Variants in CA10 observed in about 807,000 individuals in gnomAD.
The protein encoded by CA10 is carbonic anhydrase 10 (inactive).
A neutral mutation model predicts 44.2 loss-of-function variants in CA10; 14 were observed. The observed-to-expected ratio is 0.32, with a 90% CI of 0.21 to 0.50. The LOEUF is 0.50. Ranked by LOEUF, CA10 falls within the 20% of genes least tolerant of loss-of-function variation. The probability of loss-of-function intolerance (pLI) is 0.99; values close to 1 mark genes in which losing one functional copy is unlikely to be tolerated. For missense variants in CA10, 350 were observed against 409.7 expected (o/e 0.85, Z 1.26); for synonymous variants, 159 against 141.6 (o/e 1.12, Z -0.87).
intron 4 of CA10, among the ~76,000 whole-genome samples, chr17:51,705,993 T>A (rs991319118): frequency 1.3e-5 from 2 of 152,034 alleles, no homozygotes; most frequent in African/African-American, 4.8e-5. Context: ...TAAAAAGCAT[T>A]TTGAGTAGGA....
chr17:52,102,763 C>T (rs1223688926), intron 1 of CA10, among the ~76,000 whole-genome samples: 8 of 152,254 alleles, frequency 5.3e-5, no homozygotes, highest in Non-Finnish European at 1.0e-4. Flanking sequence ...TTTTATTGTG[C>T]CTCAGTTTAT....
rs138929047 is a variant in CA10 at position 52,069,544 on chromosome 17, C to T, written c.136+2775G>A. ...GTTGCCTCCTTTACATGTATAAACC[C>T]TGTTGGAGCCCTTGTTACCCTGAGT... On this transcript the variant is annotated intron_variant, in intron 2 of 8. Transcript: ENST00000451037. 6.6e-3 allele frequency among the ~76,000 whole-genome samples: 1,004 copies of T among 152,286 alleles called. 7 individuals are homozygous for T. Among genetic ancestry groups the T allele is most frequent in the African/African-American group, 0.023 (936 of 41,558 alleles).
At chr17:51,881,525 A>T (rs1394743302) in intron 3 of CA10, among the ~76,000 whole-genome samples, 4 of 152,096 alleles carry the variant, frequency 2.6e-5, no homozygotes, top group African/African-American at 9.7e-5. Flanking sequence ...GCAACACCTA[A>T]AACATAAGAA....
At chr17:51,686,075 A>C (rs1470137191) in intron 4 of CA10, among the ~76,000 whole-genome samples, 1 of 143,826 alleles carries the variant, frequency 7.0e-6, no homozygotes, top group Non-Finnish European at 1.5e-5. Context: ...GAGATAATTG[A>C]ATCATGGGTC....
chr17:51,704,388 G>C (rs1226050385), intron 4 of CA10, among the ~76,000 whole-genome samples: 15 of 152,230 alleles, frequency 9.9e-5, no homozygotes, highest in Admixed American at 9.8e-4. Flanking sequence ...ACCTTGGTTT[G>C]AGAGTTGACT....
chr17:51,898,533 C>T (rs571478653), intron 3 of CA10, among the ~76,000 whole-genome samples: 1 of 152,028 alleles, frequency 6.6e-6, no homozygotes, highest in Non-Finnish European at 1.5e-5. Context: ...GTGCCTCTTC[C>T]TGTTTGTTTG....
intron 4 of CA10, among the ~76,000 whole-genome samples, chr17:51,694,604 G>A (rs1915338442): frequency 6.6e-6 from 1 of 151,844 alleles, no homozygotes; most frequent in Admixed American, 6.6e-5. Context: ...TCTGTGGGTG[G>A]TCTGTTTACT....
At chr17:51,966,899 A>C (rs1984099343) in intron 2 of CA10, among the ~76,000 whole-genome samples, 1 of 151,878 alleles carries the variant, frequency 6.6e-6, no homozygotes, top group African/African-American at 2.4e-5. Flanking sequence ...CTGTACAGCG[A>C]AAGAAACTAT....
intron 1 of CA10, among the ~76,000 whole-genome samples, chr17:52,072,607 T>C (rs1291031882): frequency 6.6e-6 from 1 of 151,418 alleles, no homozygotes; most frequent in Non-Finnish European, 1.5e-5. Context: ...TCTCTGATAT[T>C]TTAATTGATG....
At chr17:51,924,047 A>G (rs1477009969) in intron 3 of CA10, among the ~76,000 whole-genome samples, 1 of 152,200 alleles carries the variant, frequency 6.6e-6, no homozygotes, top group Non-Finnish European at 1.5e-5. Context: ...AGCGATATTA[A>G]TATTACAGGC....
chr17:52,151,288 T>A (rs1325113726), intron 1 of CA10, among the ~76,000 whole-genome samples: 1 of 151,214 alleles, frequency 6.6e-6, no homozygotes, highest in African/African-American at 2.4e-5. Flanking sequence ...CAATCCACCA[T>A]ACTTTGATAT....
chr17:51,901,430 G>A (rs1981310935), intron 3 of CA10, among the ~76,000 whole-genome samples: 1 of 152,100 alleles, frequency 6.6e-6, no homozygotes, highest in African/African-American at 2.4e-5. Context: ...CTCCAATAGG[G>A]GGTGCCAGCC....
chr17:52,096,860 A>G (rs1988413975), intron 1 of CA10, among the ~76,000 whole-genome samples: 1 of 152,206 alleles, frequency 6.6e-6, no homozygotes, highest in African/African-American at 2.4e-5. Flanking sequence ...TAGAAAATGC[A>G]TCTAGCCCTA....
chr17:51,791,645 C>T (rs1198517658), intron 3 of CA10, among the ~76,000 whole-genome samples: 2 of 152,148 alleles, frequency 1.3e-5, no homozygotes, highest in Non-Finnish European at 2.9e-5. Context: ...AGATGAATCC[C>T]CATGTCTGGG....
intron 4 of CA10, among the ~76,000 whole-genome samples, chr17:51,672,936 C>A (rs1310174562): frequency 6.6e-6 from 1 of 152,164 alleles, no homozygotes; most frequent in Non-Finnish European, 1.5e-5. Flanking sequence ...GGAGGGGAGA[C>A]TTGGAAGAAC....
intron 3 of CA10, among the ~76,000 whole-genome samples, chr17:51,911,385 C>G (rs949359047): frequency 6.6e-6 from 1 of 152,090 alleles, no homozygotes; most frequent in Non-Finnish European, 1.5e-5. Context: ...AGAGAATGCT[C>G]TTGGATATTA....
chr17:51,689,003 G>T (rs565772243), intron 4 of CA10, among the ~76,000 whole-genome samples: 1 of 152,146 alleles, frequency 6.6e-6, no homozygotes, highest in East Asian at 1.9e-4. Context: ...TTTATATAAG[G>T]GGTAACGGAG....
chr17:51,926,883 G>A (rs1982453376), intron 3 of CA10, among the ~76,000 whole-genome samples: 2 of 152,158 alleles, frequency 1.3e-5, no homozygotes, highest in Admixed American at 6.5e-5. Context: ...TTTGGAAGGG[G>A]ACATTATTCT....
At chr17:51,845,112 A>G (rs1460760354) in intron 3 of CA10, among the ~76,000 whole-genome samples, 2 of 152,192 alleles carry the variant, frequency 1.3e-5, no homozygotes, top group African/African-American at 4.8e-5. Flanking sequence ...CCTCCCCTAG[A>G]ACCTTCAGAG....
Sources: gnomAD v4.1 joint callset for allele counts (sites outside exome capture counted in the v4.1 genomes callset) on GRCh38, gnomAD v4.1.1 for gene constraint, MANE v1.5 for transcripts, NCBI Gene and HGNC (gene_info 2026-07-23, HGNC 2026-07-21) for gene names.